KAT6B: variants seen among roughly 807,000 people sequenced by gnomAD.
KAT6B encodes histone acetyltransferase KAT6B.
A neutral mutation model predicts 187.5 loss-of-function variants in KAT6B; 10 were observed. The ratio of observed to expected loss-of-function variants is 0.05; its 90% CI spans 0.03 to 0.09. The LOEUF (loss-of-function observed/expected upper bound fraction) is 0.09. Ranked by LOEUF, KAT6B falls within the 10% of genes least tolerant of loss-of-function variation. The pLI, the probability that KAT6B is intolerant of heterozygous loss-of-function variation, is 1.00. For missense variants in KAT6B, 1,952 were observed against 2,558.9 expected, an observed-to-expected ratio of 0.76 and a Z score of 5.12; for synonymous variants, 861 against 926.8, an observed-to-expected ratio of 0.93 and a Z score of 1.29.
chr10:74,885,362 T>A (rs1845163667), intron 3 of KAT6B, among the ~76,000 whole-genome samples: 1 of 152,196 alleles, frequency 6.6e-6, no homozygotes, highest in African/African-American at 2.4e-5. Flanking sequence ...GTGGTTATTG[T>A]GTTGGACAGC....
intron 7 of KAT6B, among the ~76,000 whole-genome samples, chr10:74,973,081 G>A (rs1465468833): frequency 3.3e-5 from 5 of 152,160 alleles, no homozygotes; most frequent in African/African-American, 1.2e-4. Context: ...TAGTAATGTA[G>A]CATTACCACT....
At chr10:74,891,806 ATTGT>A (rs1845662997) in intron 3 of KAT6B, among the ~76,000 whole-genome samples, 1 of 152,188 alleles carries the variant, frequency 6.6e-6, no homozygotes, top group African/African-American at 2.4e-5. Flanking sequence ...CAGAATTAAC[ATTGT>A]TTATCATTAC....
intron 2 of KAT6B, among the ~76,000 whole-genome samples, chr10:74,840,977 G>T (rs572835741): frequency 6.6e-6 from 1 of 152,226 alleles, no homozygotes; most frequent in Non-Finnish European, 1.5e-5. Context: ...AATAACCAGA[G>T]ATAACTTTAA....
At chr10:74,894,106 G>A (rs541310020) in intron 3 of KAT6B, among the ~76,000 whole-genome samples, 1 of 152,178 alleles carries the variant, frequency 6.6e-6, no homozygotes, top group East Asian at 1.9e-4. Flanking sequence ...CCCTTGAGAC[G>A]GAGTCTCCCT....
chr10:74,975,529 A>C lies in KAT6B; in HGVS notation c.1192A>C (p.Arg398=), dbSNP rs1842094150. The change falls in exon 8 of 18, where the codon AGA becomes CGA. Residue 398 remains arginine (R), a synonymous_variant. Transcript: ENST00000287239. ...TGCATCTGGGAAGGACTCAAGCAGC[A>C]GATTGGCTGTTACAGACCCCACTCG... The part of the protein sequence containing the change: ...HAASGKDSSS[R]LAVTDPTRPG... The C allele has an allele frequency of 6.2e-7, 1 of 1,614,048 alleles. No homozygotes were observed.
intron 3 of KAT6B, among the ~76,000 whole-genome samples, chr10:74,924,272 T>G (rs1262841531): frequency 2.0e-5 from 3 of 152,202 alleles, no homozygotes; most frequent in Non-Finnish European, 4.4e-5. Context: ...AGTTTGTCAC[T>G]GTAGATATCC....
chr10:74,938,182 A>C (rs1013980423), intron 3 of KAT6B, among the ~76,000 whole-genome samples: 1 of 152,196 alleles, frequency 6.6e-6, no homozygotes, highest in Non-Finnish European at 1.5e-5. Context: ...TGTGGACCGC[A>C]GGTCAGCAAC....
At chr10:74,837,439 A>G (rs1321680215) in intron 1 of KAT6B, among the ~76,000 whole-genome samples, 1 of 152,168 alleles carries the variant, frequency 6.6e-6, no homozygotes, top group African/African-American at 2.4e-5. Flanking sequence ...TTTTTATAGA[A>G]AAAAAATGAA....
chr10:75,015,979 G>C (rs1844951731), intron 13 of KAT6B, among the ~76,000 whole-genome samples: 1 of 152,184 alleles, frequency 6.6e-6, no homozygotes, highest in Non-Finnish European at 1.5e-5. Context: ...CCATGCCCTT[G>C]CCTGAGAACA....
chr10:74,940,803 C>T (rs1393560897), intron 3 of KAT6B, among the ~76,000 whole-genome samples: 1 of 152,116 alleles, frequency 6.6e-6, no homozygotes, highest in African/African-American at 2.4e-5. Context: ...CTTTGAGTCC[C>T]TAAATTAGGT....
intron 8 of KAT6B, 141 bp from the exon 9 acceptor site, chr10:74,977,175 T>C: frequency 1.3e-6 from 1 of 766,354 alleles, no homozygotes; most frequent in South Asian, 1.6e-5. Flanking sequence ...GAGCAGTGCT[T>C]AGATGTAAAA....
At chr10:74,983,078 T>C (rs1437703227) in intron 11 of KAT6B, 1 of 152,250 alleles carries the variant, frequency 6.6e-6, no homozygotes, top group Non-Finnish European at 1.5e-5. Context: ...TAAAGCTTTC[T>C]CTTTTTCTAT....
chr10:74,990,267 A>G (rs911841426), intron 13 of KAT6B, among the ~76,000 whole-genome samples: 2 of 149,922 alleles, frequency 1.3e-5, no homozygotes, highest in African/African-American at 4.9e-5. Context: ...TGATTACCAG[A>G]TTGCAGTTTA....
intron 3 of KAT6B, among the ~76,000 whole-genome samples, chr10:74,882,504 A>C (rs1256119515): frequency 6.6e-6 from 1 of 152,236 alleles, no homozygotes; most frequent in Non-Finnish European, 1.5e-5. Flanking sequence ...AATGCTGTGC[A>C]TCTATAATAA....
At chr10:74,887,986 GA>G (rs1262786209) in intron 3 of KAT6B, among the ~76,000 whole-genome samples, 4 of 151,008 alleles carry the variant, frequency 2.6e-5, no homozygotes, top group Non-Finnish European at 4.4e-5. Flanking sequence ...ATCCTGTCTG[GA>G]AAAAAAAAGA....
At chr10:75,022,301 T>G (rs1180275404) in intron 16 of KAT6B, 70 bp downstream of exon 16, 11 of 1,543,030 alleles carry the variant, frequency 7.1e-6, no homozygotes, top group Non-Finnish European at 9.9e-6. Context: ...AGACATTCTG[T>G]CTATTAGTAT....
At chr10:74,893,462 T>TG (rs1404783050) in intron 3 of KAT6B, among the ~76,000 whole-genome samples, 1 of 152,102 alleles carries the variant, frequency 6.6e-6, no homozygotes, top group Non-Finnish European at 1.5e-5. Context: ...AGTGGGTTTT[T>TG]TTTTTTGTTT....
chr10:74,944,637 G>A (rs1265706782), intron 3 of KAT6B, among the ~76,000 whole-genome samples: 1 of 151,716 alleles, frequency 6.6e-6, no homozygotes. Context: ...GTGAAACCCC[G>A]TCTCTACTAA....
chr10:74,864,040 A>G (rs960110783), intron 3 of KAT6B, among the ~76,000 whole-genome samples: 1 of 152,046 alleles, frequency 6.6e-6, no homozygotes, highest in African/African-American at 2.4e-5. Flanking sequence ...GAGTTTGTAA[A>G]TATTATTCAC....
Sources: gnomAD v4.1 joint callset for allele counts (sites outside exome capture counted in the v4.1 genomes callset) on GRCh38, gnomAD v4.1.1 for gene constraint, MANE v1.5 for transcripts, NCBI Gene and HGNC (gene_info 2026-07-23, HGNC 2026-07-21) for gene names.